Variants in STOX2 observed in about 807,000 individuals in gnomAD.
The protein encoded by STOX2 is storkhead-box protein 2.
A neutral mutation model predicts 60.9 loss-of-function variants in STOX2; 28 were observed. The ratio of observed to expected loss-of-function variants is 0.46; its 90% CI spans 0.34 to 0.63. STOX2 has a LOEUF of 0.63. Ranked by LOEUF, STOX2 falls within the 30% of genes least tolerant of loss-of-function variation. The probability of loss-of-function intolerance (pLI) is 0.01; values close to 1 mark genes in which losing one functional copy is unlikely to be tolerated. For synonymous variants in STOX2, 472 were observed against 463.9 expected, an observed-to-expected ratio of 1.02 and a Z score of -0.22; for missense variants, 1,024 against 1,187.7, an observed-to-expected ratio of 0.86 and a Z score of 2.03.
chr4:183,903,516 G>A (rs1579393672), upstream of STOX2, among the ~76,000 whole-genome samples: 1 of 152,160 alleles, frequency 6.6e-6, no homozygotes, highest in Non-Finnish European at 1.5e-5. Flanking sequence ...GTTTGCTGCA[G>A]GGTCATGTGT....
intron 1 of STOX2, among the ~76,000 whole-genome samples, chr4:183,945,686 C>T (rs1015274582): frequency 1.1e-4 from 16 of 152,234 alleles, no homozygotes; most frequent in Admixed American, 1.3e-4. Flanking sequence ...TGAGGAAATC[C>T]GTTTACCGTG....
chr4:183,863,999 C>T (rs902082003), intron 1 of STOX2, among the ~76,000 whole-genome samples: 2 of 152,204 alleles, frequency 1.3e-5, no homozygotes, highest in African/African-American at 4.8e-5. Context: ...CCAGCTCCAG[C>T]TCCATCTGTA....
intron 1 of STOX2, among the ~76,000 whole-genome samples, chr4:183,880,949 C>G (rs949554962): frequency 1.3e-5 from 2 of 152,042 alleles, no homozygotes; most frequent in African/African-American, 4.8e-5. Flanking sequence ...AAAATTTAGA[C>G]CATTGTGTGA....
At chr4:183,826,813 C>T (rs1433159761) in intron 1 of STOX2, among the ~76,000 whole-genome samples, 1 of 152,228 alleles carries the variant, frequency 6.6e-6, no homozygotes, top group African/African-American at 2.4e-5. Flanking sequence ...ACCAAAGACC[C>T]TCAGAAGAGA....
In STOX2 at chr4:184,010,442, C is replaced by A. The variant is rs753159735; in HGVS notation, c.1604C>A (p.Pro535His). 1 of 1,613,866 alleles carries A rather than the reference C, an allele frequency of 6.2e-7. No individual in the cohort carries two copies. The highest frequency in any genetic ancestry group is 8.5e-7 in the Non-Finnish European group (1 of 1,179,856). ...TACATTGACGACAGTACTTTAAGGC[C>A]TGCACAGACCGTTAGTCTCCAAAGG... ...QSYIDDSTLR[P>H]AQTVSLQRAH... is the part of the protein sequence containing the mutation. The change falls in exon 3 of 4, where the codon CCT (proline) becomes CAT (histidine). Residue 535 changes from proline to histidine, a missense_variant. This residue lies in a region of STOX2 where 922 missense variants were observed against 1,058.3 expected (regional missense o/e 0.87). Coordinates refer to ENST00000308497, the MANE Select transcript of STOX2 (RefSeq NM_020225.3). The surrounding 1 kb of genome is among the most constrained non-coding windows in gnomAD (Gnocchi z 4.5).
chr4:183,855,880 T>A (rs1340036164), intron 1 of STOX2, among the ~76,000 whole-genome samples: 1 of 152,154 alleles, frequency 6.6e-6, no homozygotes, highest in Non-Finnish European at 1.5e-5. Flanking sequence ...TGAAGTGACA[T>A]TTGGCATTTT....
intron 1 of STOX2, among the ~76,000 whole-genome samples, chr4:183,994,763 A>G (rs927358186): frequency 6.6e-6 from 1 of 152,222 alleles, no homozygotes; most frequent in Non-Finnish European, 1.5e-5. Flanking sequence ...TCTCAATTAT[A>G]AACTAGTACA....
chr4:183,864,132 T>G (rs952540784), intron 1 of STOX2, among the ~76,000 whole-genome samples: 1 of 152,196 alleles, frequency 6.6e-6, no homozygotes, highest in Non-Finnish European at 1.5e-5. Flanking sequence ...AAAAAAGTTT[T>G]GAAATATGAG....
Position 184,010,310 on chromosome 4 carries a change from C to G in STOX2, c.1472C>G (p.Ser491Cys). The change falls in exon 3 of 4, where the codon TCC becomes TGC. Residue 491 changes from serine to cysteine, a missense_variant. Transcript: ENST00000308497. This position sits in a 1 kb window ranked among gnomAD's most constrained non-coding sequence, Gnocchi z 4.5. ...AGATCCAACAAAGCCAAGGAGAGAT[C>G]CAGGTCGATGGATAACTCCAAAGGC... ...NERSNKAKER[S>C]RSMDNSKGPL... 6.2e-7 allele frequency: 1 copy of G among 1,601,596 alleles called. No individual in the cohort carries two copies. Among genetic ancestry groups the G allele is most frequent in the Non-Finnish European group, 8.5e-7 (1 of 1,174,048 alleles).
chr4:183,984,222 G>A (rs989883030), intron 1 of STOX2, among the ~76,000 whole-genome samples: 1 of 152,204 alleles, frequency 6.6e-6, no homozygotes, highest in South Asian at 2.1e-4. Flanking sequence ...TATGACATAT[G>A]GGCTGTGCTT....
chr4:183,900,287 A>G (rs775555646), intron 1 of STOX2, among the ~76,000 whole-genome samples: 3 of 152,208 alleles, frequency 2.0e-5, no homozygotes, highest in Non-Finnish European at 4.4e-5. Flanking sequence ...GCAGTAGCCC[A>G]TGGATTAAGG....
intron 2 of STOX2, among the ~76,000 whole-genome samples, chr4:184,004,422 A>T (rs543014960): frequency 1.3e-5 from 2 of 152,150 alleles, no homozygotes; most frequent in East Asian, 3.9e-4. Flanking sequence ...ACACGGTGAA[A>T]CCCCGTCTCT....
intron 1 of STOX2, among the ~76,000 whole-genome samples, chr4:183,951,866 C>A (rs1368926882): frequency 6.6e-6 from 1 of 152,058 alleles, no homozygotes; most frequent in African/African-American, 2.4e-5. Flanking sequence ...TCTCTTGAAC[C>A]CAGGAGACAG....
intron 1 of STOX2, among the ~76,000 whole-genome samples, chr4:183,934,707 C>T (rs1245618269): frequency 6.6e-6 from 1 of 152,014 alleles, no homozygotes; most frequent in Non-Finnish European, 1.5e-5. Flanking sequence ...GGTAATGCTT[C>T]TTTTCTTATC....
chr4:183,852,970 G>T (rs563230359), intron 1 of STOX2, among the ~76,000 whole-genome samples: 10 of 152,290 alleles, frequency 6.6e-5, no homozygotes, highest in Non-Finnish European at 1.3e-4. Context: ...AGGTAGGCAA[G>T]TCATTTACTG....
At chr4:183,902,131 T>C (rs1201452197), upstream of STOX2, among the ~76,000 whole-genome samples, 1 of 152,214 alleles carries the variant, frequency 6.6e-6, no homozygotes, top group Non-Finnish European at 1.5e-5. Context: ...GATATAGCTC[T>C]GAACAAAACA....
chr4:183,884,981 C>T (rs1400307211), intron 1 of STOX2, among the ~76,000 whole-genome samples: 1 of 152,152 alleles, frequency 6.6e-6, no homozygotes, highest in African/African-American at 2.4e-5. Flanking sequence ...GTCGCGTCCC[C>T]GTCGCCACAC....
In STOX2 at chr4:183,806,077, T is replaced by C. The variant is rs377153955; in HGVS notation, c.364+8022T>C. Among the ~76,000 whole-genome samples, 7 of 152,208 alleles carry C rather than the reference T, an allele frequency of 4.6e-5. No homozygotes were observed. Among genetic ancestry groups the C allele is most frequent in the African/African-American group, 7.2e-5 (3 of 41,454 alleles). ...GTGCATGGGACAGTGGGAGACCCCA[T>C]GCTGAGCAGATCCAGGTCTGAATTT... On this transcript the variant is annotated intron_variant, in intron 1 of 2. Coordinates refer to the STOX2 transcript ENST00000513034. The surrounding 1 kb of genome is among the most constrained non-coding windows in gnomAD (Gnocchi z 4.1).
chr4:183,846,156 A>G (rs1461968634), intron 1 of STOX2, among the ~76,000 whole-genome samples: 5 of 152,180 alleles, frequency 3.3e-5, no homozygotes, highest in African/African-American at 1.2e-4. Context: ...GTGGCTTCTG[A>G]TGAGAAATTA....
Sources: gnomAD v4.1 joint callset for allele counts (sites outside exome capture counted in the v4.1 genomes callset) on GRCh38, gnomAD v4.1.1 for gene constraint, gnomAD v4.1.1 regional missense constraint, Gnocchi (gnomAD v3.1) non-coding constraint, MANE v1.5 for transcripts, NCBI Gene and HGNC (gene_info 2026-07-23, HGNC 2026-07-21) for gene names.